The following SEMA3C variants were observed in gnomAD, a reference collection of about 807,000 sequenced individuals.
The protein encoded by SEMA3C is semaphorin-3C.
In SEMA3C, 47 loss-of-function variants were observed where a neutral mutation model predicts 89.4. The ratio of observed to expected loss-of-function variants is 0.53; its 90% CI spans 0.42 to 0.67. The LOEUF is 0.67. Among genes scored for constraint, SEMA3C ranks in the 30% least tolerant of loss-of-function variants. SEMA3C has a pLI of 0.00. For synonymous variants in SEMA3C, 310 were observed against 320.2 expected (o/e 0.97, Z 0.34); for missense variants, 839 against 929.1 (o/e 0.90, Z 1.26).
At chr7:80,838,144 G>C (rs948786408) in intron 2 of SEMA3C, among the ~76,000 whole-genome samples, 1 of 152,048 alleles carries the variant, frequency 6.6e-6, no homozygotes, top group Non-Finnish European at 1.5e-5. Flanking sequence ...CTATTAAAAA[G>C]TAGGGTGTGT....
chr7:80,835,860 T>C (rs1305210367), intron 2 of SEMA3C, among the ~76,000 whole-genome samples: 1 of 152,130 alleles, frequency 6.6e-6, no homozygotes, highest in Admixed American at 6.6e-5. Flanking sequence ...GAATTAAAAT[T>C]GAGCAAATTT....
chr7:80,803,692 T>C (rs1789266431), intron 8 of SEMA3C, among the ~76,000 whole-genome samples: 2 of 152,148 alleles, frequency 1.3e-5, no homozygotes, highest in Non-Finnish European at 2.9e-5. Flanking sequence ...TAATCATCTC[T>C]TACTGAGATA....
intron 11 of SEMA3C, chr7:80,793,501 G>T (rs1428131359): frequency 2.2e-6 from 1 of 450,384 alleles, no homozygotes; most frequent in East Asian, 7.0e-5. Flanking sequence ...ATTCTAGTAA[G>T]AAAGATAGAC....
At chr7:80,781,221 C>G (rs1788683632) in intron 12 of SEMA3C, among the ~76,000 whole-genome samples, 1 of 152,172 alleles carries the variant, frequency 6.6e-6, no homozygotes, top group Non-Finnish European at 1.5e-5. Flanking sequence ...TCTCAAAAGT[C>G]TGTAACATTA....
chr7:80,749,319 G>A (rs1226366836), intron 16 of SEMA3C, among the ~76,000 whole-genome samples: 1 of 152,028 alleles, frequency 6.6e-6, no homozygotes, highest in Non-Finnish European at 1.5e-5. Flanking sequence ...ATATTACTTT[G>A]TTGACTTAAT....
chr7:80,824,538 G>A (rs911895818), intron 4 of SEMA3C, among the ~76,000 whole-genome samples: 4 of 152,188 alleles, frequency 2.6e-5, no homozygotes, highest in Non-Finnish European at 5.9e-5. Context: ...TCGAATTTCA[G>A]TATCATTGAA....
chr7:80,870,320 A>T (rs534579384), intron 2 of SEMA3C, among the ~76,000 whole-genome samples: 36 of 148,986 alleles, frequency 2.4e-4, no homozygotes, highest in African/African-American at 8.0e-4. Flanking sequence ...CATATTAACC[A>T]TACTGACTTT....
intron 2 of SEMA3C, among the ~76,000 whole-genome samples, chr7:80,868,760 G>A (rs1790988925): frequency 6.6e-6 from 1 of 152,128 alleles, no homozygotes; most frequent in South Asian, 2.1e-4. Flanking sequence ...GTAGCAGATT[G>A]CAGGAAACCA....
chr7:80,909,994 A>G (rs1792105617), intron 2 of SEMA3C, among the ~76,000 whole-genome samples: 1 of 152,164 alleles, frequency 6.6e-6, no homozygotes, highest in South Asian at 2.1e-4. Context: ...ATACTTGGAG[A>G]AGAAATATCA....
At chr7:80,778,462 GTC>G (rs1293942692) in intron 12 of SEMA3C, among the ~76,000 whole-genome samples, 9 of 152,222 alleles carry the variant, frequency 5.9e-5, no homozygotes, top group African/African-American at 2.2e-4. Flanking sequence ...GAATTGTATG[GTC>G]ACTCAACCTG....
At position 80,778,705 on chromosome 7, in the gene SEMA3C, T is replaced by C. The variant is rs1301106384; in HGVS notation, c.1354+10601A>G. On this transcript the variant is annotated intron_variant, in intron 12 of 17. Transcript: ENST00000265361. ...CAGGTCTTTCCATCTGGAATGGTTA[T>C]TCTCCTGGCAAATGTTACTAGCATG... Among the ~76,000 whole-genome samples, 7 of 152,326 alleles carry C rather than the reference T, an allele frequency of 4.6e-5. No homozygotes were observed. The East Asian group carries it at 9.6e-4, about 21-fold the overall frequency.
chr7:80,872,797 CAAAAAAAAA>C (rs1218885274), intron 2 of SEMA3C, among the ~76,000 whole-genome samples: 1 of 40,090 alleles, frequency 2.5e-5, no homozygotes, highest in African/African-American at 8.5e-5. Context: ...GAGACTCTGT[CAAAAAAAAA>C]AAAAAAAAAA....
chr7:80,747,183 T>A (rs1787822213), intron 17 of SEMA3C, among the ~76,000 whole-genome samples: 2 of 152,106 alleles, frequency 1.3e-5, no homozygotes, highest in Admixed American at 1.3e-4. Context: ...TACATTCTTA[T>A]GTTTTTGAGA....
intron 12 of SEMA3C, among the ~76,000 whole-genome samples, chr7:80,785,042 T>G (rs1209098951): frequency 6.6e-6 from 1 of 152,164 alleles, no homozygotes; most frequent in African/African-American, 2.4e-5. Flanking sequence ...CATTTTTTCC[T>G]TTTCTTTTTA....
intron 2 of SEMA3C, among the ~76,000 whole-genome samples, chr7:80,903,344 A>G (rs1027335684): frequency 2.6e-5 from 4 of 152,286 alleles, no homozygotes; most frequent in Non-Finnish European, 5.9e-5. Context: ...AACATAGAAA[A>G]GGTACAGTAA....
rs552726267 is a variant in SEMA3C at position 80,890,447 on chromosome 7, G to A, written c.103+26232C>T. Among the ~76,000 whole-genome samples, 5 of 152,212 alleles carry A rather than the reference G, an allele frequency of 3.3e-5. No individual in the cohort carries two copies. In the East Asian group the frequency reaches 9.6e-4, roughly 29 times the overall value. ...ATTCAAAAAACTTAAAATCTTGAAG[G>A]GGTACTTAGTAAAATAAACTTTAGA... On this transcript the variant is annotated intron_variant, in intron 2 of 17. Transcript: ENST00000265361.
chr7:80,790,063 T>C (rs938532242), intron 11 of SEMA3C, among the ~76,000 whole-genome samples: 3 of 152,052 alleles, frequency 2.0e-5, no homozygotes, highest in Admixed American at 2.0e-4. Flanking sequence ...GATGAGAGGA[T>C]GTTGAAGCCA....
chr7:80,827,851 T>C (rs1004269765), intron 3 of SEMA3C, among the ~76,000 whole-genome samples: 1 of 152,126 alleles, frequency 6.6e-6, no homozygotes, highest in Non-Finnish European at 1.5e-5. Flanking sequence ...CTTACATATC[T>C]TTCTCAGTTA....
At chr7:80,845,717 T>C (rs12666127) in intron 2 of SEMA3C, among the ~76,000 whole-genome samples, 6,688 of 152,228 alleles carry the variant, frequency 0.044, 358 homozygotes, top group East Asian at 0.16. Flanking sequence ...GTTTCCTTCT[T>C]TGTTCAAATA....
Sources: allele counts gnomAD v4.1 joint callset (sites outside exome capture counted in the v4.1 genomes callset), GRCh38; gene constraint gnomAD v4.1.1; transcripts MANE v1.5; gene names NCBI Gene and HGNC (gene_info 2026-07-23, HGNC 2026-07-21).